The following PAX6 variants were observed in gnomAD, a reference collection of about 807,000 sequenced individuals.
The protein encoded by PAX6 is paired box protein Pax-6.
Under a neutral mutation model 60.7 loss-of-function variants are expected in PAX6, and 7 were observed. The ratio of observed to expected loss-of-function variants is 0.12; its 90% CI spans 0.07 to 0.22. The LOEUF (loss-of-function observed/expected upper bound fraction) is 0.22, where lower values mean the gene tolerates loss of function less well. PAX6 is among the 10% of genes least tolerant of loss of function. PAX6 has a pLI of 1.00. For synonymous variants in PAX6, 208 were observed against 201.2 expected, an observed-to-expected ratio of 1.03 and a Z score of -0.29; for missense variants, 355 against 555.2, an observed-to-expected ratio of 0.64 and a Z score of 3.62.
intron 8 of PAX6, among the ~76,000 whole-genome samples, chr11:31,797,456 C>T (rs1951941431): frequency 7.2e-6 from 1 of 139,016 alleles, no homozygotes; most frequent in South Asian, 2.3e-4. Context: ...CCAGAACTGA[C>T]ACTTAAGAGA....
chr11:31,817,323 T>G (rs1332943127), intron 1 of PAX6, among the ~76,000 whole-genome samples: 1 of 152,250 alleles, frequency 6.6e-6, no homozygotes, highest in Admixed American at 6.5e-5. Context: ...ATCTGCACTT[T>G]GCAACCGCGG....
upstream of PAX6, among the ~76,000 whole-genome samples, chr11:31,813,395 G>C (rs956729439): frequency 9.8e-6 from 1 of 102,454 alleles, no homozygotes; most frequent in African/African-American, 3.6e-5. Context: ...GGGGCGGGGG[G>C]GGGGGAAGTG....
intron 4 of PAX6, chr11:31,804,649 C>A (rs967524499): frequency 6.6e-6 from 1 of 152,404 alleles, no homozygotes; most frequent in African/African-American, 2.4e-5. Flanking sequence ...GTTCCATCTA[C>A]CCCTCCAGCT....
At chr11:31,806,674 T>C (rs2135304667) in intron 3 of PAX6, 175 bp downstream of exon 3, 1 of 542,168 alleles carries the variant, frequency 1.8e-6, no homozygotes, top group Non-Finnish European at 3.3e-6. Context: ...AGTACTGGAA[T>C]ATCCCCAATC....
intron 3 of PAX6, 172 bp downstream of exon 3, chr11:31,806,677 C>A: frequency 3.8e-6 from 2 of 532,120 alleles, no homozygotes; most frequent in Non-Finnish European, 6.7e-6. Flanking sequence ...ACTGGAATAT[C>A]CCCAATCTGT....
chr11:31,816,035 AC>A (rs1179530247), upstream of PAX6, among the ~76,000 whole-genome samples: 3 of 152,006 alleles, frequency 2.0e-5, no homozygotes, highest in African/African-American at 7.2e-5. Flanking sequence ...AAATGACACC[AC>A]CCAGGCTGGC....
chr11:31,801,358 C>A, intron 7 of PAX6: 1 of 1,472,276 alleles, frequency 6.8e-7, no homozygotes, highest in Non-Finnish European at 9.0e-7. Flanking sequence ...AAGTGAATGA[C>A]TCCCCACACT....
intron 8 of PAX6, among the ~76,000 whole-genome samples, chr11:31,795,501 T>C (rs901878398): frequency 6.6e-6 from 1 of 152,256 alleles, no homozygotes; most frequent in Non-Finnish European, 1.5e-5. Context: ...GTCCATTCTT[T>C]GTAATGTGTT....
At chr11:31,814,078 T>TC (rs1384264876), upstream of PAX6, 3 of 152,026 alleles carry the variant, frequency 2.0e-5, no homozygotes, top group African/African-American at 7.2e-5. Flanking sequence ...GCGGCGGGGA[T>TC]TGCGCTTTAG....
chr11:31,791,022 G>C, intron 12 of PAX6, 162 bp from the exon 13 acceptor site: 4 of 824,244 alleles, frequency 4.9e-6, no homozygotes, highest in Admixed American at 2.0e-5. Flanking sequence ...ATTGGGCCTC[G>C]AGCTAGTCCT....
intron 8 of PAX6, among the ~76,000 whole-genome samples, chr11:31,797,144 G>C (rs1245123359): frequency 6.6e-6 from 1 of 151,480 alleles, no homozygotes; most frequent in South Asian, 2.1e-4. Flanking sequence ...TCTGGTATGG[G>C]GTGGGGGACA....
chr11:31,793,381 G>T, intron 12 of PAX6, 57 bp downstream of exon 12: 1 of 1,455,246 alleles, frequency 6.9e-7, no homozygotes, highest in Non-Finnish European at 9.7e-7. Flanking sequence ...CAGGCCCTGA[G>T]CCACTCCTCA....
At chr11:31,815,009 T>TGTCTCTCTCTCTCTCC (rs1957310197), upstream of PAX6, 1 of 151,442 alleles carries the variant, frequency 6.6e-6, no homozygotes, top group Admixed American at 6.6e-5. Context: ...TCTCTCTCTC[T>TGTCTCTCTCTCTCTCC]CTCTCTCTCT....
At chr11:31,794,271 C>T (rs1383630894) in intron 9 of PAX6, 157 bp from the exon 10 acceptor site, 2 of 710,220 alleles carry the variant, frequency 2.8e-6, no homozygotes, top group South Asian at 3.1e-5. Flanking sequence ...GAAGAACTTT[C>T]CCACCAGAAC....
intron 8 of PAX6, among the ~76,000 whole-genome samples, chr11:31,799,651 C>G (rs573201599): frequency 1.1e-3 from 169 of 152,238 alleles, no homozygotes; most frequent in African/African-American, 3.9e-3. Flanking sequence ...ATACTGTTAC[C>G]GATTTTCCCT....
At chr11:31,810,626 C>T (rs1188515568) in intron 2 of PAX6, 2 of 370,058 alleles carry the variant, frequency 5.4e-6, no homozygotes, top group Non-Finnish European at 9.6e-6. Context: ...CGCTCCCGCT[C>T]GCCGGCAGTC....
At chr11:31,799,126 C>T (rs1952687981) in intron 8 of PAX6, among the ~76,000 whole-genome samples, 1 of 152,232 alleles carries the variant, frequency 6.6e-6, no homozygotes, top group Admixed American at 6.5e-5. Context: ...TCGGGTGTCA[C>T]TTGGGTGTGT....
upstream of PAX6, chr11:31,814,990 G>GTCTCTCCCTCTCTCTCTCTCTCTCTC (rs1957306425): frequency 7.7e-6 from 1 of 130,368 alleles, no homozygotes; most frequent in Non-Finnish European, 1.6e-5. Context: ...AGGCCAGCCT[G>GTCTCTCCCTCTCTCTCTCTCTCTCTC]TCTCTCTCTC....
In PAX6 at chr11:31,790,838, G is replaced by C; in HGVS notation, c.1097C>G (p.Ser366Cys). ...GGTGGGCAGCATGCAGGAGTATGAG[G>C]AGGTCTGGCTGGGGACTGGGGGCTG... The part of the protein sequence containing the change: ...PMQPPVPSQT[S>C]SYSCMLPTSP... Residue 366 changes from serine (S) to cysteine (C), a missense_variant, in exon 13 of 14, where the codon TCC becomes TGC. Around this residue, in one of 5 missense-constraint regions of PAX6, gnomAD observed 149 missense variants for 191.9 expected, o/e 0.78. Transcript: ENST00000640368. 1.9e-6 allele frequency: 3 copies of C among 1,614,118 alleles called. No homozygotes were observed.
Sources: allele counts gnomAD v4.1 joint callset (sites outside exome capture counted in the v4.1 genomes callset), GRCh38; gene constraint gnomAD v4.1.1; regional missense constraint gnomAD v4.1.1; transcripts MANE v1.5; gene names NCBI Gene and HGNC (gene_info 2026-07-23, HGNC 2026-07-21).